RGS6: variants seen among roughly 807,000 people sequenced by gnomAD.
RGS6 encodes the protein regulator of G protein signaling 6.
RGS6 carries 30 observed loss-of-function variants against 78.5 expected under a neutral mutation model. The ratio of observed to expected loss-of-function variants is 0.38; its 90% CI spans 0.29 to 0.52. RGS6 has a LOEUF of 0.52. RGS6 is among the 20% of genes least tolerant of loss of function. The pLI, the probability that RGS6 is intolerant of heterozygous loss-of-function variation, is 0.85. For synonymous variants in RGS6, 206 were observed against 206.0 expected (o/e 1.00, Z 0.00); for missense variants, 495 against 609.7 (o/e 0.81, Z 1.98).
In RGS6 at chr14:71,970,735, G is replaced by T. The variant is rs567808831; in HGVS notation, c.84+5860G>T. Among the ~76,000 whole-genome samples the T allele has an allele frequency of 1.1e-4, 16 of 152,310 alleles. No homozygotes were observed. The East Asian group carries it at 2.7e-3, about 26-fold the overall frequency. On this transcript the variant is annotated intron_variant, in intron 2 of 17. Coordinates refer to ENST00000553525, the MANE Select transcript of RGS6 (RefSeq NM_001204424.2). ...ATTAGATGCTAGGAATGCAAGATGAGAACTGAGCCCTGAATGAGCCCACAG... is the reference window on the plus strand; with the variant it reads ...ATTAGATGCTAGGAATGCAAGATGATAACTGAGCCCTGAATGAGCCCACAG...
intron 6 of RGS6, 129 bp from the exon 7 acceptor site, chr14:72,465,629 G>GATGA (rs2095887823): frequency 3.2e-6 from 2 of 619,120 alleles, no homozygotes; most frequent in South Asian, 3.9e-5. Context: ...TGGGTGGATG[G>GATGA]ATGGATGGAT....
At chr14:72,345,380 A>T (rs564019074) in intron 2 of RGS6, among the ~76,000 whole-genome samples, 1 of 152,364 alleles carries the variant, frequency 6.6e-6, no homozygotes, top group South Asian at 2.1e-4. Context: ...AGCATTCTAA[A>T]CAGATACAGT....
chr14:71,939,526 G>T (rs1212081407), intron 1 of RGS6, among the ~76,000 whole-genome samples: 2 of 152,206 alleles, frequency 1.3e-5, no homozygotes, highest in African/African-American at 4.8e-5. Context: ...GGACAGTAAA[G>T]GTATATTGCT....
intron 2 of RGS6, among the ~76,000 whole-genome samples, chr14:72,160,022 C>T (rs1464744634): frequency 2.6e-5 from 4 of 152,064 alleles, no homozygotes; most frequent in Non-Finnish European, 2.9e-5. Context: ...TGTCTTTTAC[C>T]GATTAGATTG....
intron 15 of RGS6, among the ~76,000 whole-genome samples, chr14:72,520,373 T>C (rs1483429917): frequency 6.6e-6 from 1 of 152,236 alleles, no homozygotes; most frequent in Non-Finnish European, 1.5e-5. Flanking sequence ...AGATATTTAA[T>C]CAGATTTAGG....
At chr14:72,293,662 C>G (rs965381983) in intron 2 of RGS6, among the ~76,000 whole-genome samples, 1 of 152,082 alleles carries the variant, frequency 6.6e-6, no homozygotes, top group African/African-American at 2.4e-5. Flanking sequence ...TCAGTAGCAC[C>G]CTTTCAGCTC....
chr14:72,344,051 C>CTTAAACATGGG (rs1173458213), intron 2 of RGS6, among the ~76,000 whole-genome samples: 1 of 152,188 alleles, frequency 6.6e-6, no homozygotes, highest in Admixed American at 6.5e-5. Context: ...ACAACAGATT[C>CTTAAACATGGG]TTAAACAAGA....
chr14:72,441,937 C>T (rs1042667995), intron 3 of RGS6, among the ~76,000 whole-genome samples: 1 of 152,172 alleles, frequency 6.6e-6, no homozygotes, highest in Non-Finnish European at 1.5e-5. Context: ...GCACCAGCTA[C>T]CCGAGGCAGC....
intron 15 of RGS6, among the ~76,000 whole-genome samples, chr14:72,521,937 C>T (rs767408224): frequency 4.6e-5 from 7 of 152,222 alleles, no homozygotes; most frequent in South Asian, 2.1e-4. Context: ...CTTTTTAAGC[C>T]GTAGTGTTTA....
At chr14:72,448,838 A>G (rs1258649390) in intron 3 of RGS6, among the ~76,000 whole-genome samples, 1 of 152,210 alleles carries the variant, frequency 6.6e-6, no homozygotes, top group East Asian at 1.9e-4. Context: ...AATATTTGGC[A>G]TGAAATTGCC....
At chr14:71,990,643 C>G (rs546556141) in intron 2 of RGS6, 1 of 455,906 alleles carries the variant, frequency 2.2e-6, no homozygotes, top group Non-Finnish European at 4.4e-6. Context: ...ATTCCCGGGG[C>G]AGCTTCTTCT....
At chr14:72,374,498 A>G (rs914679463) in intron 3 of RGS6, among the ~76,000 whole-genome samples, 5 of 152,210 alleles carry the variant, frequency 3.3e-5, no homozygotes, top group African/African-American at 4.8e-5. Context: ...GCACATATAC[A>G]CCATGGAATA....
chr14:72,170,995 A>G (rs1443159772), intron 2 of RGS6, among the ~76,000 whole-genome samples: 2 of 152,158 alleles, frequency 1.3e-5, no homozygotes, highest in Non-Finnish European at 2.9e-5. Context: ...AGAATTTCCT[A>G]TATTGAGACA....
chr14:72,570,495 A>G (rs181970271), downstream of RGS6, among the ~76,000 whole-genome samples: 675 of 152,366 alleles, frequency 4.4e-3, 3 homozygotes, highest in Non-Finnish European at 7.0e-3. Context: ...TAGTGGTTAC[A>G]TGATAGTATA....
intron 15 of RGS6, among the ~76,000 whole-genome samples, chr14:72,521,228 T>A (rs1387264561): frequency 1.3e-5 from 2 of 152,236 alleles, no homozygotes; most frequent in Admixed American, 6.5e-5. Flanking sequence ...GGGCACTGGA[T>A]GATAGCATAA....
chr14:71,951,771 G>A lies in RGS6; in HGVS notation c.-20-13001G>A, dbSNP rs541100366. Reference sequence around the variant, plus strand: ...TCCTTTATTTAGATCTGTCTCTCACGTCTGTCAGCATTTTTGTATCCCTCT... The same window carrying A: ...TCCTTTATTTAGATCTGTCTCTCACATCTGTCAGCATTTTTGTATCCCTCT... On this transcript the variant is annotated intron_variant, in intron 1 of 17. Transcript: ENST00000553525. Among the ~76,000 whole-genome samples, 15 of 152,068 alleles carry A rather than the reference G, an allele frequency of 9.9e-5. No individual in the cohort carries two copies. The East Asian group carries it at 1.5e-3, about 16-fold the overall frequency.
chr14:72,616,103 T>C, the RGS6 span, among the ~76,000 whole-genome samples: 1 of 152,188 alleles, frequency 6.6e-6, no homozygotes, highest in African/African-American at 2.4e-5. Context: ...GCCAGGATCT[T>C]TACCAATGTC....
the RGS6 span, among the ~76,000 whole-genome samples, chr14:72,574,413 G>A: frequency 6.6e-6 from 1 of 152,120 alleles, no homozygotes; most frequent in African/African-American, 2.4e-5. Flanking sequence ...ATTGCAAAGA[G>A]GAAGGCAGGA....
intron 3 of RGS6, among the ~76,000 whole-genome samples, chr14:72,418,934 T>C (rs2094003591): frequency 6.7e-6 from 1 of 150,130 alleles, no homozygotes; most frequent in African/African-American, 2.5e-5. Flanking sequence ...GGTGGCAGAC[T>C]GAAATGATAG....
Sources: allele counts gnomAD v4.1 joint callset (sites outside exome capture counted in the v4.1 genomes callset), GRCh38; gene constraint gnomAD v4.1.1; transcripts MANE v1.5; gene names NCBI Gene and HGNC (gene_info 2026-07-23, HGNC 2026-07-21).